The following IK variants were observed in gnomAD, a reference collection of about 807,000 sequenced individuals.
The protein encoded by IK is IK cytokine.
Under a neutral mutation model 90.9 loss-of-function variants are expected in IK, and 47 were observed. The ratio of observed to expected loss-of-function variants is 0.52; its 90% confidence interval spans 0.41 to 0.66. The LOEUF (loss-of-function observed/expected upper bound fraction) is 0.66, where lower values mean the gene tolerates loss of function less well. Among genes scored for constraint, IK ranks in the 30% least tolerant of loss-of-function variants. The probability of loss-of-function intolerance (pLI) is 0.00; values close to 1 mark genes in which losing one functional copy is unlikely to be tolerated. For synonymous variants in IK, 201 were observed against 227.5 expected (o/e 0.88, Z 1.05); for missense variants, 385 against 709.3 (o/e 0.54, Z 5.19).
At position 140,654,058 on chromosome 5, in the gene IK, T is replaced by C. The variant is rs1430115187; in HGVS notation, c.519+6T>C. 3 of 1,543,994 alleles carry C rather than the reference T, an allele frequency of 1.9e-6. No homozygotes were observed. The African/African-American group carries it at 4.1e-5, about 21-fold the overall frequency. On this transcript the variant is annotated splice_donor_region_variant and intron_variant, in intron 6 of 19. Coordinates refer to ENST00000417647, the MANE Select transcript of IK (RefSeq NM_006083.4). ...ATTTTGCTCTGCTTCAAAAGGTGAGTCCTGGTGGTCAGGTGGGGAGTAATA... is the reference window on the plus strand; with the variant it reads ...ATTTTGCTCTGCTTCAAAAGGTGAGCCCTGGTGGTCAGGTGGGGAGTAATA...
intron 10 of IK, 40 bp downstream of exon 10, chr5:140,657,702 GAC>G: frequency 7.4e-7 from 1 of 1,344,840 alleles, no homozygotes; most frequent in Middle Eastern, 1.8e-4. Context: ...ACCCACAGAG[GAC>G]GTTTGGGGAT....
At chr5:140,648,028 GTGTGTGTGTGTGTGTGTATGTA>G (rs1013954112) in intron 1 of IK, 104 bp downstream of exon 1, 40 of 1,030,318 alleles carry the variant, frequency 3.9e-5, no homozygotes, top group African/African-American at 1.7e-4. Context: ...GTGTGTGTGT[GTGTGTGTGTGTGTGTGTATGTA>G]TGTATGTGTG....
chr5:140,656,538 C>T (rs1290248072), intron 9 of IK, among the ~76,000 whole-genome samples: 1 of 145,890 alleles, frequency 6.9e-6, no homozygotes, highest in Non-Finnish European at 1.5e-5. Flanking sequence ...ACTCTGGTTT[C>T]CGCACTTCCA....
chr5:140,648,007 G>GGTGTGTGTGTGTGTGTGTGTGT (rs762057029), intron 1 of IK, 83 bp downstream of exon 1: 200 of 931,314 alleles, frequency 2.1e-4, no homozygotes, highest in East Asian at 4.6e-4. Flanking sequence ...GCTTAAGCCG[G>GGTGTGTGTGTGTGTGTGTGTGT]GTGTGTGTGT....
Position 140,661,716 on chromosome 5 carries a change from G to A in IK, c.1502+8G>A, listed in dbSNP as rs756237243. 38 of 1,594,278 alleles carry A rather than the reference G, an allele frequency of 2.4e-5. No homozygotes were observed. In the East Asian group the frequency reaches 2.7e-4, roughly 11 times the overall value. ...CAAAGAAGCTTTGCCCAAGTGAGTC[G>A]GTACTGAATATGGGCAGGGTGTGAG... On this transcript the variant is annotated splice_region_variant and intron_variant, in intron 17 of 19. Transcript: ENST00000417647. This position sits in a 1 kb window ranked among gnomAD's most constrained non-coding sequence, Gnocchi z 4.2.
chr5:140,661,373 A>C lies in IK; in HGVS notation c.1414-247A>C, dbSNP rs970014816. 2.2e-6 allele frequency: 1 copy of C among 449,682 alleles called. No individual in the cohort carries two copies. Among genetic ancestry groups the C allele is most frequent in the African/African-American group, 2.0e-5 (1 of 49,432 alleles). The allele number at this position is 449,682 out of a possible 1,614,324, so 27.9% of individuals were successfully genotyped here. Reference sequence around the variant, plus strand: ...TTATGCCTCAGTTTCCTCATCAGGAAAATGGAGAGAAATATAGTTCCCTCT... The same window carrying C: ...TTATGCCTCAGTTTCCTCATCAGGACAATGGAGAGAAATATAGTTCCCTCT... On this transcript the variant is annotated intron_variant, in intron 16 of 19. Transcript: ENST00000417647. The surrounding 1 kb of genome is among the most constrained non-coding windows in gnomAD (Gnocchi z 4.2).
chr5:140,658,207 T>C lies in IK; in HGVS notation c.911-530T>C, dbSNP rs374918356. On this transcript the variant is annotated intron_variant, in intron 10 of 19. Coordinates refer to ENST00000417647, the MANE Select transcript of IK (RefSeq NM_006083.4). ...TTTCAGTAGAGATGGGGTTTCACTG[T>C]ATTGGCCTGGCTGGCCTCGAACTCC... 2.5e-4 allele frequency among the ~76,000 whole-genome samples: 38 copies of C among 152,312 alleles called. No individual in the cohort carries two copies. The East Asian group carries it at 5.4e-3, about 22-fold the overall frequency.
intron 9 of IK, among the ~76,000 whole-genome samples, chr5:140,656,753 C>G (rs1237269772): frequency 1.3e-5 from 2 of 152,152 alleles, no homozygotes; most frequent in Non-Finnish European, 2.9e-5. Context: ...AAACATTTAT[C>G]TTTTGTGTTA....
chr5:140,652,499 A>G (rs1205035997), intron 4 of IK, among the ~76,000 whole-genome samples: 1 of 152,106 alleles, frequency 6.6e-6, no homozygotes, highest in East Asian at 1.9e-4. Flanking sequence ...TATGGTAACC[A>G]CCCAATAAAT....
chr5:140,659,857 C>T, intron 14 of IK, 23 bp downstream of exon 14: 2 of 1,534,886 alleles, frequency 1.3e-6, no homozygotes, highest in Non-Finnish European at 1.8e-6. Flanking sequence ...TTAATACGTT[C>T]CTGGGTTCCA....
intron 9 of IK, 88 bp downstream of exon 9, chr5:140,656,080 T>C: frequency 2.4e-6 from 3 of 1,254,616 alleles, no homozygotes; most frequent in East Asian, 2.5e-5. Flanking sequence ...TTGTCCACCA[T>C]GTCACCAAGT....
intron 2 of IK, among the ~76,000 whole-genome samples, chr5:140,651,097 C>G (rs941379385): frequency 2.0e-5 from 3 of 152,160 alleles, no homozygotes; most frequent in Non-Finnish European, 4.4e-5. Flanking sequence ...TTCCCAAATT[C>G]TCACTCACAC....
chr5:140,659,805 T>G lies in IK; in HGVS notation c.1245T>G (p.Ala415=). The G allele has an allele frequency of 6.2e-7, 1 of 1,600,116 alleles. No homozygotes were observed. Among genetic ancestry groups the G allele is most frequent in the Non-Finnish European group, 8.5e-7 (1 of 1,172,938 alleles). Residue 415 remains alanine, a synonymous_variant, in exon 14 of 20, where the codon GCT becomes GCG. Coordinates refer to ENST00000417647, the MANE Select transcript of IK (RefSeq NM_006083.4). ...TCAAGTCCATCAATGAAAAGTTTGCTGGGTCTGCTGGCTGGGAAGGCACAG... is the reference window on the plus strand; with the variant it reads ...TCAAGTCCATCAATGAAAAGTTTGCGGGGTCTGCTGGCTGGGAAGGCACAG... ...ELIKSINEKF[A]GSAGWEGTES... is the part of the protein sequence containing the mutation.
At chr5:140,655,545 G>A (rs1757694521) in intron 8 of IK, among the ~76,000 whole-genome samples, 1 of 152,208 alleles carries the variant, frequency 6.6e-6, no homozygotes, top group Non-Finnish European at 1.5e-5. Flanking sequence ...AAGAGGCAAT[G>A]TAGAAGAGTG....
chr5:140,648,514 G>C lies in IK; in HGVS notation c.60G>C (p.Val20=). Residue 20 remains valine, a synonymous_variant, in exon 2 of 20, where the codon GTG becomes GTC. Coordinates refer to ENST00000417647, the MANE Select transcript of IK (RefSeq NM_006083.4). Reference sequence around the variant, plus strand: ...CTTTGGCCCCCGATGGCCACGATGTGGATGATCCTCACTCCTTCCACCAGT... The same window carrying C: ...CTTTGGCCCCCGATGGCCACGATGTCGATGATCCTCACTCCTTCCACCAGT... ...SNPLAPDGHD[V]DDPHSFHQSK... is the part of the protein sequence containing the mutation. The C allele has an allele frequency of 6.2e-7, 1 of 1,613,884 alleles. No homozygotes were observed. The highest frequency in any genetic ancestry group is 8.5e-7 in the Non-Finnish European group (1 of 1,179,818).
At chr5:140,653,850 G>A (rs560093145) in intron 5 of IK, 88 bp from the exon 6 acceptor site, 8 of 761,746 alleles carry the variant, frequency 1.1e-5, no homozygotes, top group African/African-American at 5.2e-5. Flanking sequence ...TGATCTGTCC[G>A]CCTTGACCTC....
chr5:140,658,904 T>C (rs772560632), intron 11 of IK, 35 bp from the exon 12 acceptor site: 3 of 1,612,572 alleles, frequency 1.9e-6, no homozygotes, highest in Admixed American at 3.3e-5. Flanking sequence ...GGTGTATGTG[T>C]GAATTTGGCC....
intron 18 of IK, 82 bp from the exon 19 acceptor site, chr5:140,662,097 C>A: frequency 6.3e-7 from 1 of 1,589,892 alleles, no homozygotes; most frequent in South Asian, 1.1e-5. Flanking sequence ...GCTGGAGAGC[C>A]ATGGAAATGA....
rs889885233 is a variant in IK, at chr5:140,650,130, C to T, written c.84-1584C>T. 4.6e-5 allele frequency among the ~76,000 whole-genome samples: 7 copies of T among 152,248 alleles called. No homozygotes were observed. In the East Asian group the frequency reaches 1.4e-3, roughly 29 times the overall value. On this transcript the variant is annotated intron_variant, in intron 2 of 19. Coordinates refer to ENST00000417647, the MANE Select transcript of IK (RefSeq NM_006083.4). ...ACAAAGAAATCAACCACCGCTCCAC[C>T]CCCATACCTAACCAAGTTGCTTTTA... is the stretch of plus-strand genomic sequence containing the variant.
Sources: gnomAD v4.1 joint callset for allele counts (sites outside exome capture counted in the v4.1 genomes callset) on GRCh38, gnomAD v4.1.1 for gene constraint, Gnocchi (gnomAD v3.1) non-coding constraint, MANE v1.5 for transcripts, NCBI Gene and HGNC (gene_info 2026-07-23, HGNC 2026-07-21) for gene names.